The following PTPN4 variants were observed in gnomAD, a reference collection of about 807,000 sequenced individuals.
The protein encoded by PTPN4 is protein tyrosine phosphatase non-receptor type 4.
In PTPN4, 49 loss-of-function variants were observed where a neutral mutation model predicts 135.5. The ratio of observed to expected loss-of-function variants is 0.36; its 90% CI spans 0.29 to 0.46. The LOEUF (loss-of-function observed/expected upper bound fraction) is 0.46, where lower values mean the gene tolerates loss of function less well. Among genes scored for constraint, PTPN4 ranks in the 20% least tolerant of loss-of-function variants. The pLI, the probability that PTPN4 is intolerant of heterozygous loss-of-function variation, is 1.00. For synonymous variants in PTPN4, 333 were observed against 369.9 expected (o/e 0.90, Z 1.14); for missense variants, 860 against 1,101.0 (o/e 0.78, Z 3.10).
rs1257495310 is a variant in PTPN4, at chr2:119,882,531, G to A, written c.495G>A (p.Glu165=). 16 of 1,548,054 alleles carry A rather than the reference G, an allele frequency of 1.0e-5. No homozygotes were observed. Among genetic ancestry groups the A allele is most frequent in the Admixed American group, 4.0e-5 (2 of 50,546 alleles). ...QSELGDYDQS[E]NLSGYLSDYS... Reference sequence around the variant, plus strand: ...AACTTGGAGACTACGATCAGTCAGAGAACTTGTCAGGCTACCTCTCAGATT... The same window carrying A: ...AACTTGGAGACTACGATCAGTCAGAAAACTTGTCAGGCTACCTCTCAGATT... Residue 165 remains glutamate (E), a synonymous_variant, in exon 8 of 27, where the codon GAG becomes GAA. Transcript: ENST00000263708.
intron 10 of PTPN4, among the ~76,000 whole-genome samples, chr2:119,912,938 T>C (rs2105023638): frequency 6.6e-6 from 1 of 152,310 alleles, no homozygotes; most frequent in Admixed American, 6.5e-5. Context: ...TATATCTCTA[T>C]AGATATGCCT....
chr2:119,932,545 A>T lies in PTPN4; in HGVS notation c.1192A>T (p.Asn398Tyr). Reference sequence around the variant, plus strand: ...ATCACGATCTCCACCGGGAACTCCTAATCAGTAAGTGTGAATTTTGTGACC... The same window carrying T: ...ATCACGATCTCCACCGGGAACTCCTTATCAGTAAGTGTGAATTTTGTGACC... ...LPSRSPPGTP[N>Y]HRNSTFTQEG... Residue 398 changes from asparagine (N) to tyrosine (Y), a missense_variant, in exon 14 of 27, where the codon AAT (asparagine) becomes TAT (tyrosine). By Grantham distance (143) the Asn-to-Tyr change is moderately radical. Coordinates refer to ENST00000263708, the MANE Select transcript of PTPN4 (RefSeq NM_002830.4). The T allele has an allele frequency of 6.2e-7, 1 of 1,604,504 alleles. No homozygotes were observed. The highest frequency in any genetic ancestry group is 8.5e-7 in the Non-Finnish European group (1 of 1,176,074).
chr2:119,765,932 G>GTGTA (rs1174622656), intron 1 of PTPN4, among the ~76,000 whole-genome samples: 1 of 144,260 alleles, frequency 6.9e-6, no homozygotes, highest in Non-Finnish European at 1.5e-5. Context: ...GTGTGTGTGT[G>GTGTA]TGCGCGCGCG....
At chr2:119,779,516 C>G (rs944162862) in intron 1 of PTPN4, among the ~76,000 whole-genome samples, 3 of 150,666 alleles carry the variant, frequency 2.0e-5, no homozygotes, top group African/African-American at 7.3e-5. Flanking sequence ...ACTCGGGAGG[C>G]TGGGGTAGGA....
intron 20 of PTPN4, among the ~76,000 whole-genome samples, chr2:119,955,623 A>G (rs1268215404): frequency 6.6e-6 from 1 of 152,164 alleles, no homozygotes; most frequent in Non-Finnish European, 1.5e-5. Flanking sequence ...GCAGATGAAG[A>G]TAGGCTATTA....
chr2:119,843,023 A>G (rs1367617031), intron 2 of PTPN4, among the ~76,000 whole-genome samples: 1 of 152,228 alleles, frequency 6.6e-6, no homozygotes, highest in Non-Finnish European at 1.5e-5. Context: ...CTAACTTGTT[A>G]AAAGTTATCA....
chr2:119,969,581 C>T (rs564226175), intron 26 of PTPN4, among the ~76,000 whole-genome samples: 107 of 94,972 alleles, frequency 1.1e-3, no homozygotes, highest in Non-Finnish European at 1.6e-3. Flanking sequence ...TTTTTTGAGA[C>T]GGAGTCTCGC....
At chr2:119,893,281 C>G (rs1249257802) in intron 9 of PTPN4, among the ~76,000 whole-genome samples, 1 of 152,066 alleles carries the variant, frequency 6.6e-6, no homozygotes, top group East Asian at 1.9e-4. Flanking sequence ...ACAGCTTTTA[C>G]TCATGTGTAC....
intron 2 of PTPN4, among the ~76,000 whole-genome samples, chr2:119,843,014 T>C (rs1311437351): frequency 6.6e-6 from 1 of 152,252 alleles, no homozygotes; most frequent in Non-Finnish European, 1.5e-5. Context: ...TCTCTATTAC[T>C]AACTTGTTAA....
chr2:119,855,803 T>C (rs997271300), intron 2 of PTPN4, among the ~76,000 whole-genome samples: 2 of 152,106 alleles, frequency 1.3e-5, no homozygotes, highest in Non-Finnish European at 2.9e-5. Context: ...TGTTATTTTA[T>C]TTATTATTAT....
At chr2:119,809,816 A>ATTT (rs373238618) in intron 1 of PTPN4, 21 bp from the exon 2 acceptor site, 9 of 1,165,988 alleles carry the variant, frequency 7.7e-6, no homozygotes, top group Middle Eastern at 2.1e-4. Context: ...TATTTAGTGA[A>ATTT]TTTTTTTTTT....
chr2:119,822,362 C>T (rs901675534), intron 2 of PTPN4, among the ~76,000 whole-genome samples: 3 of 130,434 alleles, frequency 2.3e-5, no homozygotes, highest in South Asian at 3.2e-4. Context: ...CCCTCCCCCC[C>T]CCTTTTTTTT....
At chr2:119,804,574 C>T (rs1056416536) in intron 1 of PTPN4, among the ~76,000 whole-genome samples, 3 of 152,130 alleles carry the variant, frequency 2.0e-5, no homozygotes, top group South Asian at 2.1e-4. Context: ...ATGATGATTT[C>T]CAGTTTCATC....
chr2:119,805,934 G>A (rs529754991), intron 1 of PTPN4, among the ~76,000 whole-genome samples: 1 of 152,092 alleles, frequency 6.6e-6, no homozygotes, highest in African/African-American at 2.4e-5. Context: ...TCTTCCATTT[G>A]TTTGTGTCCT....
chr2:119,903,941 T>C (rs1678446861), intron 10 of PTPN4, among the ~76,000 whole-genome samples: 1 of 152,226 alleles, frequency 6.6e-6, no homozygotes, highest in African/African-American at 2.4e-5. Flanking sequence ...AAGACTATGC[T>C]ACTGCACCCA....
chr2:119,781,161 C>T (rs1690929606), intron 1 of PTPN4, among the ~76,000 whole-genome samples: 1 of 152,142 alleles, frequency 6.6e-6, no homozygotes, highest in Admixed American at 6.6e-5. Flanking sequence ...CCTTACTTAC[C>T]AGTACAAGAC....
chr2:119,958,194 A>T (rs1679315562), intron 22 of PTPN4, among the ~76,000 whole-genome samples: 1 of 151,946 alleles, frequency 6.6e-6, no homozygotes, highest in Admixed American at 6.5e-5. Flanking sequence ...AAAAATTAGC[A>T]GTCATGGTGG....
intron 2 of PTPN4, among the ~76,000 whole-genome samples, chr2:119,850,844 T>A (rs1463199184): frequency 6.6e-6 from 1 of 152,226 alleles, no homozygotes; most frequent in Non-Finnish European, 1.5e-5. Flanking sequence ...ACTTGATTGA[T>A]TTTTAAGCAC....
At chr2:119,910,850 A>G (rs932806080) in intron 10 of PTPN4, among the ~76,000 whole-genome samples, 10 of 152,074 alleles carry the variant, frequency 6.6e-5, no homozygotes, top group African/African-American at 9.7e-5. Flanking sequence ...TCTTTCCCCA[A>G]TAAATTACCC....
Sources: allele counts gnomAD v4.1 joint callset (sites outside exome capture counted in the v4.1 genomes callset), GRCh38; gene constraint gnomAD v4.1.1; transcripts MANE v1.5; gene names NCBI Gene and HGNC (gene_info 2026-07-23, HGNC 2026-07-21).